Variants in TSC22D1 observed in about 807,000 individuals in gnomAD.
The protein encoded by TSC22D1 is TSC22 domain family member 1, also known as TSC22 domain family protein 1.
In TSC22D1, 9 loss-of-function variants were observed where a neutral mutation model predicts 74.2. That is an observed-to-expected ratio of 0.12 (90% CI 0.07 to 0.21). The LOEUF is 0.21. TSC22D1 is among the 10% of genes least tolerant of loss of function. TSC22D1 has a pLI of 1.00. For missense variants in TSC22D1, 1,427 were observed against 1,304.7 expected, an observed-to-expected ratio of 1.09 and a Z score of -1.44; for synonymous variants, 586 against 492.5, an observed-to-expected ratio of 1.19 and a Z score of -2.51.
At chr13:44,494,019 C>G (rs985678738) in intron 1 of TSC22D1, among the ~76,000 whole-genome samples, 1 of 152,012 alleles carries the variant, frequency 6.6e-6, no homozygotes, top group African/African-American at 2.4e-5. Flanking sequence ...TTGCTTACGT[C>G]CAGGAGTTCA....
At chr13:44,445,214 G>GATACACACAC (rs1466983059) in intron 1 of TSC22D1, among the ~76,000 whole-genome samples, 2 of 103,964 alleles carry the variant, frequency 1.9e-5, no homozygotes, top group East Asian at 5.9e-4. Flanking sequence ...AGAGGTCAAA[G>GATACACACAC]ATACACACAC....
rs1879256224 is a variant in TSC22D1 at position 44,502,314 on chromosome 13, C to T, written c.2913-66219G>A. ...CCTTTGATTTCTCTCAGGCTGAAAA[C>T]TCTCACCTCTGATTAATTAAATTGT... On this transcript the variant is annotated intron_variant, in intron 1 of 2. Transcript: ENST00000458659. 2.0e-5 allele frequency among the ~76,000 whole-genome samples: 3 copies of T among 152,014 alleles called. No homozygotes were observed. The South Asian group carries it at 6.2e-4, about 32-fold the overall frequency.
chr13:44,456,250 G>T (rs1039619748), intron 1 of TSC22D1, among the ~76,000 whole-genome samples: 1 of 152,196 alleles, frequency 6.6e-6, no homozygotes, highest in Non-Finnish European at 1.5e-5. Context: ...AAGAAGACCC[G>T]AGCGGGTTGC....
chr13:44,550,324 T>C (rs1410413100), intron 1 of TSC22D1, among the ~76,000 whole-genome samples: 1 of 152,142 alleles, frequency 6.6e-6, no homozygotes, highest in Non-Finnish European at 1.5e-5. Context: ...GGCTCATGTC[T>C]GTAATCCCAG....
chr13:44,571,759 G>C (rs187823398), intron 1 of TSC22D1, among the ~76,000 whole-genome samples: 1 of 152,230 alleles, frequency 6.6e-6, no homozygotes, highest in Admixed American at 6.5e-5. Context: ...ATCTTTTAGA[G>C]TACAGTTTTG....
intron 1 of TSC22D1, among the ~76,000 whole-genome samples, chr13:44,454,814 C>A (rs368418762): frequency 1.3e-5 from 2 of 151,312 alleles, no homozygotes. Flanking sequence ...TCATACTCAT[C>A]ACCACTATGA....
chr13:44,483,212 G>A lies in TSC22D1; in HGVS notation c.2913-47117C>T, dbSNP rs140099850. Among the ~76,000 whole-genome samples, 426 of 152,230 alleles carry A rather than the reference G, an allele frequency of 2.8e-3. 2 individuals are homozygous for A. The highest frequency in any genetic ancestry group is 1.0e-2 in the African/African-American group (414 of 41,530). ...CTAGACAGTCTTTCAGCTACAAATTGGATGTTCAATTTTAATATCCCAGTC... is the reference window on the plus strand; with the variant it reads ...CTAGACAGTCTTTCAGCTACAAATTAGATGTTCAATTTTAATATCCCAGTC... On this transcript the variant is annotated intron_variant, in intron 1 of 2. Coordinates refer to ENST00000458659, the MANE Select transcript of TSC22D1 (RefSeq NM_183422.4).
intron 1 of TSC22D1, among the ~76,000 whole-genome samples, chr13:44,569,684 C>T (rs544218264): frequency 6.6e-6 from 1 of 152,294 alleles, no homozygotes; most frequent in South Asian, 2.1e-4. Flanking sequence ...TGCAGACATA[C>T]ATCAATTCAC....
intron 1 of TSC22D1, among the ~76,000 whole-genome samples, chr13:44,554,940 T>G (rs1426479165): frequency 6.6e-6 from 1 of 152,174 alleles, no homozygotes; most frequent in Non-Finnish European, 1.5e-5. Flanking sequence ...ACTAATGGCA[T>G]TTAAGTCAGA....
chr13:44,521,856 A>G (rs1238203603), intron 1 of TSC22D1, among the ~76,000 whole-genome samples: 5 of 152,194 alleles, frequency 3.3e-5, no homozygotes, highest in African/African-American at 1.2e-4. Flanking sequence ...ACCTACATAC[A>G]TATGGATCTT....
At chr13:44,537,269 C>A in intron 1 of TSC22D1, 1 of 959,958 alleles carries the variant, frequency 1.0e-6, no homozygotes, top group Non-Finnish European at 1.2e-6. Context: ...AAGGTAAATT[C>A]ACCAAAATAA....
At chr13:44,438,936 T>G (rs1874964623) in intron 1 of TSC22D1, among the ~76,000 whole-genome samples, 1 of 152,210 alleles carries the variant, frequency 6.6e-6, no homozygotes, top group Admixed American at 6.5e-5. Flanking sequence ...AAAGCACCAT[T>G]TAAGCTATAA....
At chr13:44,548,240 G>C (rs1355321677) in intron 1 of TSC22D1, among the ~76,000 whole-genome samples, 2 of 152,094 alleles carry the variant, frequency 1.3e-5, no homozygotes, top group Admixed American at 6.5e-5. Context: ...ACTGGGGCTG[G>C]GCGCGGTGGC....
At chr13:44,446,781 A>AGAGGAGGAGGAGGAGGAG (rs1875685919) in intron 1 of TSC22D1, among the ~76,000 whole-genome samples, 1 of 48,628 alleles carries the variant, frequency 2.1e-5, no homozygotes, top group African/African-American at 6.6e-5. Context: ...AAGAAGAGGA[A>AGAGGAGGAGGAGGAGGAG]GAAGAGGAGG....
At chr13:44,467,526 A>G (rs1877358279) in intron 1 of TSC22D1, among the ~76,000 whole-genome samples, 1 of 152,230 alleles carries the variant, frequency 6.6e-6, no homozygotes, top group Non-Finnish European at 1.5e-5. Flanking sequence ...ATAATCTACA[A>G]GGAACTCAAA....
chr13:44,573,132 G>T (rs1454523481), intron 1 of TSC22D1, 31 bp downstream of exon 1: 3 of 1,600,528 alleles, frequency 1.9e-6, no homozygotes, highest in Non-Finnish European at 2.6e-6. Context: ...CAAATCTGTT[G>T]AATGTCTCCA....
chr13:44,560,679 A>G (rs1473749628), intron 1 of TSC22D1, among the ~76,000 whole-genome samples: 1 of 152,218 alleles, frequency 6.6e-6, no homozygotes, highest in East Asian at 1.9e-4. Flanking sequence ...GGATTTGTCT[A>G]TGCTTAAATG....
intron 1 of TSC22D1, among the ~76,000 whole-genome samples, chr13:44,512,952 C>T (rs184139843): frequency 1.8e-4 from 27 of 152,310 alleles, no homozygotes; most frequent in Non-Finnish European, 3.5e-4. Flanking sequence ...CTGGCCTCTT[C>T]ATTCTTATCT....
chr13:44,451,114 G>A (rs1274161122), intron 1 of TSC22D1, among the ~76,000 whole-genome samples: 1 of 152,222 alleles, frequency 6.6e-6, no homozygotes, highest in Non-Finnish European at 1.5e-5. Flanking sequence ...TCCAATGCCA[G>A]GCACCCTAAG....
Sources: allele counts gnomAD v4.1 joint callset (sites outside exome capture counted in the v4.1 genomes callset), GRCh38; gene constraint gnomAD v4.1.1; transcripts MANE v1.5; gene names NCBI Gene and HGNC (gene_info 2026-07-23, HGNC 2026-07-21).